The following AKAP13 variants were observed in gnomAD, a reference collection of about 807,000 sequenced individuals.
AKAP13 encodes the protein A-kinase anchoring protein 13.
In AKAP13, 80 loss-of-function variants were observed where a neutral mutation model predicts 264.5. That is an observed-to-expected ratio of 0.30 (90% CI 0.25 to 0.36). AKAP13 has a LOEUF of 0.36. Ranked by LOEUF, AKAP13 falls within the 10% of genes least tolerant of loss-of-function variation. The pLI is 1.00. For missense variants in AKAP13, 3,712 were observed against 3,435.2 expected (o/e 1.08, Z -2.01); for synonymous variants, 1,380 against 1,250.2 (o/e 1.10, Z -2.19).
chr15:85,399,002 C>T (rs1042970335), intron 1 of AKAP13, among the ~76,000 whole-genome samples: 3 of 152,106 alleles, frequency 2.0e-5, no homozygotes, highest in Non-Finnish European at 2.9e-5. Context: ...TGAAGGACAG[C>T]CTTATACATA....
At chr15:85,570,249 A>C (rs1393068197) in intron 5 of AKAP13, among the ~76,000 whole-genome samples, 1 of 152,070 alleles carries the variant, frequency 6.6e-6, no homozygotes, top group African/African-American at 2.4e-5. Context: ...TCAGGAGTTC[A>C]AGACCAGCCT....
intron 8 of AKAP13, among the ~76,000 whole-genome samples, chr15:85,612,526 T>C (rs1280124043): frequency 6.6e-6 from 1 of 152,126 alleles, no homozygotes; most frequent in Non-Finnish European, 1.5e-5. Context: ...GGTATAGTTA[T>C]CATGTTTAAG....
At chr15:85,440,692 T>A (rs1456920000) in intron 1 of AKAP13, among the ~76,000 whole-genome samples, 6 of 152,228 alleles carry the variant, frequency 3.9e-5, no homozygotes. Context: ...CATCAAGTTC[T>A]CTTACACACT....
chr15:85,529,529 G>A (rs190665281), intron 3 of AKAP13, among the ~76,000 whole-genome samples: 1 of 152,224 alleles, frequency 6.6e-6, no homozygotes, highest in Non-Finnish European at 1.5e-5. Flanking sequence ...ATTTATGATA[G>A]TAAGAGGTTT....
chr15:85,439,836 G>A (rs571047055), intron 1 of AKAP13, among the ~76,000 whole-genome samples: 1 of 98,378 alleles, frequency 1.0e-5, no homozygotes, highest in South Asian at 4.7e-4. Context: ...GGGGGGAGGG[G>A]GGAGGGATAG....
At chr15:85,630,200 C>A (rs1432384360) in intron 8 of AKAP13, among the ~76,000 whole-genome samples, 1 of 67,638 alleles carries the variant, frequency 1.5e-5, no homozygotes, top group Non-Finnish European at 3.0e-5. Flanking sequence ...CACACACACA[C>A]ACACACACAT....
intron 2 of AKAP13, among the ~76,000 whole-genome samples, chr15:85,505,314 T>C (rs1451821763): frequency 6.6e-6 from 1 of 152,230 alleles, no homozygotes; most frequent in Non-Finnish European, 1.5e-5. Context: ...CCTGGACATC[T>C]TTAAGAATTA....
In AKAP13 at chr15:85,721,997, G is replaced by A. The variant is rs780700245; in HGVS notation, c.6259G>A (p.Gly2087Ser). 1.9e-6 allele frequency: 3 copies of A among 1,614,050 alleles called. No homozygotes were observed. Among genetic ancestry groups the A allele is most frequent in the Non-Finnish European group, 2.5e-6 (3 of 1,179,908 alleles). The change falls in exon 24 of 37, where the codon GGT becomes AGT. Residue 2087 changes from glycine to serine, a missense_variant. Transcript: ENST00000394518. ...TGTTCTCTTTTCTCTGCAGTTTTCAGGTGAGAATGCAGAACGTTTAAAGAA... is the reference window on the plus strand; with the variant it reads ...TGTTCTCTTTTCTCTGCAGTTTTCAAGTGAGAATGCAGAACGTTTAAAGAA... Reference protein sequence around the residue: ...IGDVLVNQFSGENAERLKKTY... With the variant: ...IGDVLVNQFSSENAERLKKTY...
intron 1 of AKAP13, among the ~76,000 whole-genome samples, chr15:85,399,535 AAAATAAATAAATAAAT>A (rs1315010301): frequency 2.8e-5 from 3 of 105,596 alleles, no homozygotes; most frequent in East Asian, 4.8e-4. Context: ...AAAAAATAAA[AAAATAAATAAATAAAT>A]AAATAAAGTT....
chr15:85,513,470 A>G (rs966300298), intron 2 of AKAP13, among the ~76,000 whole-genome samples: 14 of 152,228 alleles, frequency 9.2e-5, no homozygotes, highest in Admixed American at 6.5e-5. Flanking sequence ...GTTTTCCAAA[A>G]GTAGTACAAA....
At chr15:85,629,654 CCT>C (rs2081595453) in intron 8 of AKAP13, among the ~76,000 whole-genome samples, 1 of 151,866 alleles carries the variant, frequency 6.6e-6, no homozygotes, top group Non-Finnish European at 1.5e-5. Flanking sequence ...GTGTTTTCTT[CCT>C]CTCTAAAATG....
chr15:85,532,074 A>G (rs534528204), intron 3 of AKAP13, among the ~76,000 whole-genome samples: 112 of 152,312 alleles, frequency 7.4e-4, no homozygotes, highest in African/African-American at 2.5e-3. Flanking sequence ...TCAGTTTCTC[A>G]TCTATAAATT....
chr15:85,690,558 CA>C (rs1340208602), intron 16 of AKAP13, among the ~76,000 whole-genome samples: 1 of 152,052 alleles, frequency 6.6e-6, no homozygotes, highest in African/African-American at 2.4e-5. Flanking sequence ...TTTTATAGTT[CA>C]AAAGTGTAGT....
In AKAP13 at chr15:85,735,999, T is replaced by C. The variant is rs576050859; in HGVS notation, c.7513-91T>C. On this transcript the variant is annotated intron_variant, in intron 32 of 36. Transcript: ENST00000394518. ...CTTAGTGAGAGGCTGTGGTAGAAAA[T>C]GGAAAGCTACAGCCTAACACAGAAA... 2.2e-4 allele frequency: 232 copies of C among 1,053,142 alleles called. 2 individuals carry two copies. In the South Asian group the frequency reaches 2.9e-3, roughly 13 times the overall value. 65.2% of individuals were successfully genotyped at this position (1,053,142 alleles called of 1,614,324 possible).
At chr15:85,386,433 A>G (rs767654714) in intron 1 of AKAP13, among the ~76,000 whole-genome samples, 1 of 151,884 alleles carries the variant, frequency 6.6e-6, no homozygotes, top group Non-Finnish European at 1.5e-5. Context: ...AGCTGGGATT[A>G]CAGGCACCCA....
Position 85,724,035 on chromosome 15 carries a change from T to TA in AKAP13, c.6745+716dup, listed in dbSNP as rs2087457677. Among the ~76,000 whole-genome samples, 1 of 152,210 alleles carries TA rather than the reference T, an allele frequency of 6.6e-6. No individual in the cohort carries two copies. The highest frequency in any genetic ancestry group is 6.5e-5 in the Admixed American group (1 of 15,272). On this transcript the variant is annotated intron_variant, in intron 26 of 36. Coordinates refer to ENST00000394518, the MANE Select transcript of AKAP13 (RefSeq NM_007200.5). The surrounding 1 kb of genome is among the most constrained non-coding windows in gnomAD (Gnocchi z 4.2). Reference sequence around the variant, plus strand: ...ACCTATACTCCATGGGCCTATATGTTACACCAATAGCCTTGAATTATACCC... The same window carrying TA: ...ACCTATACTCCATGGGCCTATATGTTAACACCAATAGCCTTGAATTATACCC...
intron 33 of AKAP13, among the ~76,000 whole-genome samples, chr15:85,736,958 G>T (rs962474146): frequency 9.3e-5 from 10 of 106,978 alleles, no homozygotes; most frequent in African/African-American, 3.3e-4. Flanking sequence ...TTGCTCTGTT[G>T]TCCAGGCTGG....
chr15:85,744,337 G>A (rs1326779799), intron 36 of AKAP13: 2 of 401,216 alleles, frequency 5.0e-6, no homozygotes, highest in Non-Finnish European at 9.1e-6. Flanking sequence ...CTTCTCTTTA[G>A]GATTGATCTC....
At chr15:85,620,639 T>G (rs1311032712) in intron 8 of AKAP13, among the ~76,000 whole-genome samples, 1 of 152,202 alleles carries the variant, frequency 6.6e-6, no homozygotes, top group Non-Finnish European at 1.5e-5. Flanking sequence ...CGTTCAATTC[T>G]TTAGGGGAAG....
Sources: gnomAD v4.1 joint callset for allele counts (sites outside exome capture counted in the v4.1 genomes callset) on GRCh38, gnomAD v4.1.1 for gene constraint, Gnocchi (gnomAD v3.1) non-coding constraint, MANE v1.5 for transcripts, NCBI Gene and HGNC (gene_info 2026-07-23, HGNC 2026-07-21) for gene names.